Variants in LRP8 observed in about 807,000 individuals in gnomAD.
The protein encoded by LRP8 is LDL receptor related protein 8.
LRP8 carries 46 observed loss-of-function variants against 111.6 expected under a neutral mutation model. The observed-to-expected ratio is 0.41, with a 90% CI of 0.33 to 0.53. The LOEUF (loss-of-function observed/expected upper bound fraction) is 0.53, where lower values mean the gene tolerates loss of function less well. Ranked by LOEUF, LRP8 falls within the 20% of genes least tolerant of loss-of-function variation. The pLI is 0.20. For missense variants in LRP8, 959 were observed against 1,297.4 expected (o/e 0.74, Z 4.01); for synonymous variants, 464 against 511.2 (o/e 0.91, Z 1.24).
intron 18 of LRP8, 59 bp from the exon 19 acceptor site, chr1:53,247,115 T>C: frequency 7.3e-7 from 1 of 1,375,358 alleles, no homozygotes; most frequent in Non-Finnish European, 1.0e-6. Flanking sequence ...ATTTATTTAG[T>C]ATTGACAAAT....
intron 9 of LRP8, 112 bp from the exon 10 acceptor site, chr1:53,264,508 T>G: frequency 1.2e-6 from 1 of 824,914 alleles, no homozygotes; most frequent in Non-Finnish European, 1.9e-6. Flanking sequence ...AATAGATTTT[T>G]AGAGGAACGT....
intron 2 of LRP8, among the ~76,000 whole-genome samples, chr1:53,295,162 C>A (rs1465804289): frequency 1.3e-5 from 2 of 152,334 alleles, no homozygotes; most frequent in East Asian, 3.9e-4. Context: ...GGCCACCTGA[C>A]CTGGCCCAGG....
intron 2 of LRP8, among the ~76,000 whole-genome samples, chr1:53,299,715 G>T (rs1400376529): frequency 6.6e-6 from 1 of 152,262 alleles, no homozygotes; most frequent in Non-Finnish European, 1.5e-5. Flanking sequence ...GGCTTTTCTG[G>T]AGAGAGGTTA....
chr1:53,315,313 TG>T (rs1033111437), intron 2 of LRP8, among the ~76,000 whole-genome samples: 91 of 152,206 alleles, frequency 6.0e-4, no homozygotes, highest in African/African-American at 1.9e-3. Flanking sequence ...CCAGTAAGGA[TG>T]GGGATTCCTG....
intron 2 of LRP8, among the ~76,000 whole-genome samples, chr1:53,292,939 T>C (rs1649055749): frequency 6.6e-6 from 1 of 152,198 alleles, no homozygotes; most frequent in African/African-American, 2.4e-5. Context: ...CAAGCTTCAG[T>C]TCCACATTCA....
chr1:53,282,297 G>A (rs1647139884), intron 3 of LRP8, among the ~76,000 whole-genome samples: 1 of 152,220 alleles, frequency 6.6e-6, no homozygotes, highest in Non-Finnish European at 1.5e-5. Flanking sequence ...AATCCCTTGG[G>A]AATACAGGAT....
intron 3 of LRP8, among the ~76,000 whole-genome samples, chr1:53,284,581 T>C (rs1647287781): frequency 6.6e-6 from 1 of 152,220 alleles, no homozygotes; most frequent in Admixed American, 6.5e-5. Context: ...ACCTCCAGGT[T>C]CTACAGACCC....
intron 6 of LRP8, chr1:53,272,676 G>A (rs565610975): frequency 1.6e-6 from 2 of 1,289,284 alleles, no homozygotes; most frequent in Non-Finnish European, 2.0e-6. Context: ...CTCCATGACT[G>A]GGGGACCCAG....
chr1:53,250,875 C>A lies in LRP8; in HGVS notation c.2504-13G>T. 6.2e-7 allele frequency: 1 copy of A among 1,613,734 alleles called. No homozygotes were observed. The highest frequency in any genetic ancestry group is 8.5e-7 in the Non-Finnish European group (1 of 1,179,712). On this transcript the variant is annotated splice_polypyrimidine_tract_variant and intron_variant, in intron 16 of 18. Transcript: ENST00000306052. This position sits in a 1 kb window ranked among gnomAD's most constrained non-coding sequence, Gnocchi z 4.6. Reference sequence around the variant, plus strand: ...AGGGCTATCACCACTGGAGGAAGGACACAGGACACTGGACCTCCAGCAGGC... The same window carrying A: ...AGGGCTATCACCACTGGAGGAAGGAAACAGGACACTGGACCTCCAGCAGGC...
At chr1:53,292,789 A>G (rs1649026953) in intron 2 of LRP8, among the ~76,000 whole-genome samples, 1 of 152,214 alleles carries the variant, frequency 6.6e-6, no homozygotes, top group Admixed American at 6.5e-5. Flanking sequence ...TACATGTCCA[A>G]GGTCACAGCT....
Position 53,275,810 on chromosome 1 carries a change from C to T in LRP8, c.884-57G>A. On this transcript the variant is annotated intron_variant, in intron 5 of 18. Coordinates refer to ENST00000306052, the MANE Select transcript of LRP8 (RefSeq NM_004631.5). This position sits in a 1 kb window ranked among gnomAD's most constrained non-coding sequence, Gnocchi z 4.4. The stretch of plus-strand genomic sequence containing the variant: ...AGTCAGTGTGGTGCTAGGACAATTT[C>T]CCCACCACCCCAATCCCCATGCCAT... The T allele has an allele frequency of 1.3e-6, 2 of 1,578,378 alleles. No individual in the cohort carries two copies. Among genetic ancestry groups the T allele is most frequent in the South Asian group, 1.2e-5 (1 of 86,462 alleles).
chr1:53,291,224 A>AG (rs1292895710), intron 2 of LRP8, among the ~76,000 whole-genome samples: 3 of 152,118 alleles, frequency 2.0e-5, no homozygotes, highest in African/African-American at 7.2e-5. Context: ...TGAAGACGGC[A>AG]GGGGGGTCTC....
intron 2 of LRP8, among the ~76,000 whole-genome samples, chr1:53,290,562 G>T (rs1418032324): frequency 1.3e-5 from 2 of 152,158 alleles, no homozygotes; most frequent in African/African-American, 4.8e-5. Flanking sequence ...GATGTAGCAG[G>T]CTGAGAGCTC....
intron 3 of LRP8, among the ~76,000 whole-genome samples, chr1:53,284,447 T>C (rs182812450): frequency 2.8e-4 from 42 of 152,228 alleles, no homozygotes; most frequent in Non-Finnish European, 4.3e-4. Context: ...GAGCCTGGGT[T>C]CCTATGACTA....
At chr1:53,312,658 C>T (rs918786178) in intron 2 of LRP8, among the ~76,000 whole-genome samples, 5 of 152,054 alleles carry the variant, frequency 3.3e-5, no homozygotes, top group African/African-American at 1.2e-4. Context: ...TGTGCCTGGC[C>T]TTTTTCTTTG....
chr1:53,311,417 C>T (rs1652971253), intron 2 of LRP8, among the ~76,000 whole-genome samples: 1 of 152,166 alleles, frequency 6.6e-6, no homozygotes, highest in Non-Finnish European at 1.5e-5. Flanking sequence ...AGCCAGACCA[C>T]CAGCTGCTTC....
chr1:53,268,677 T>C (rs887409007), intron 8 of LRP8: 15 of 152,206 alleles, frequency 9.9e-5, no homozygotes, highest in Non-Finnish European at 1.5e-5. Context: ...TTCTTAAACA[T>C]AACATGTCCA....
At chr1:53,321,108 C>T (rs770248002) in intron 2 of LRP8, among the ~76,000 whole-genome samples, 2 of 152,246 alleles carry the variant, frequency 1.3e-5, no homozygotes, top group Admixed American at 6.5e-5. Context: ...TTATTAGCTA[C>T]CCCTTGAGGA....
At chr1:53,321,401 C>T (rs1416260007) in intron 2 of LRP8, among the ~76,000 whole-genome samples, 1 of 152,180 alleles carries the variant, frequency 6.6e-6, no homozygotes, top group East Asian at 1.9e-4. Flanking sequence ...GGACACAACC[C>T]CACACCCTCC....
Sources: allele counts gnomAD v4.1 joint callset (sites outside exome capture counted in the v4.1 genomes callset), GRCh38; gene constraint gnomAD v4.1.1; non-coding constraint Gnocchi (gnomAD v3.1); transcripts MANE v1.5; gene names NCBI Gene and HGNC (gene_info 2026-07-23, HGNC 2026-07-21).